Variants in KCNIP4 observed in about 807,000 individuals in gnomAD.
KCNIP4 encodes Kv channel-interacting protein 4.
A neutral mutation model predicts 34.0 loss-of-function variants in KCNIP4; 12 were observed. The observed-to-expected ratio is 0.35, with a 90% confidence interval of 0.23 to 0.57. The LOEUF (loss-of-function observed/expected upper bound fraction) is 0.57, where lower values mean the gene tolerates loss of function less well. Ranked by LOEUF, KCNIP4 falls within the 20% of genes least tolerant of loss-of-function variation. The pLI is 0.83. For missense variants in KCNIP4, 238 were observed against 311.7 expected, an observed-to-expected ratio of 0.76 and a Z score of 1.78; for synonymous variants, 124 against 102.2, an observed-to-expected ratio of 1.21 and a Z score of -1.29.
At chr4:21,891,055 A>G (rs1727064316) in intron 1 of KCNIP4, among the ~76,000 whole-genome samples, 1 of 152,082 alleles carries the variant, frequency 6.6e-6, no homozygotes, top group Admixed American at 6.6e-5. Flanking sequence ...GATACTCTGT[A>G]TGGCCTGTGT....
chr4:21,765,492 TG>T (rs1422360000), intron 1 of KCNIP4, among the ~76,000 whole-genome samples: 1 of 151,916 alleles, frequency 6.6e-6, no homozygotes, highest in Non-Finnish European at 1.5e-5. Flanking sequence ...GGGGGAAAAG[TG>T]GTCAATTTCT....
At chr4:21,922,020 C>T (rs1460750412) in intron 1 of KCNIP4, among the ~76,000 whole-genome samples, 1 of 152,228 alleles carries the variant, frequency 6.6e-6, no homozygotes, top group Non-Finnish European at 1.5e-5. Flanking sequence ...CTCTCTGCCT[C>T]ACTCCCTATG....
chr4:21,054,456 T>C (rs992209301), intron 1 of KCNIP4, among the ~76,000 whole-genome samples: 1 of 150,704 alleles, frequency 6.6e-6, no homozygotes, highest in Admixed American at 6.6e-5. Flanking sequence ...GAGGCAGAGG[T>C]TGCAGAGAGC....
chr4:21,017,938 A>G (rs1739698927), intron 1 of KCNIP4, among the ~76,000 whole-genome samples: 3 of 152,184 alleles, frequency 2.0e-5, no homozygotes, highest in Admixed American at 1.3e-4. Context: ...TTCTCCAATG[A>G]TCAGTGCAAA....
intron 1 of KCNIP4, among the ~76,000 whole-genome samples, chr4:21,809,942 T>A (rs1721525127): frequency 6.6e-6 from 1 of 152,214 alleles, no homozygotes; most frequent in Non-Finnish European, 1.5e-5. Context: ...CCAATTATCA[T>A]GAAGATCATG....
intron 1 of KCNIP4, among the ~76,000 whole-genome samples, chr4:21,110,702 G>C (rs1749088558): frequency 6.6e-6 from 1 of 152,132 alleles, no homozygotes; most frequent in Non-Finnish European, 1.5e-5. Context: ...AGGCAATTAG[G>C]TCATGGAATA....
chr4:21,086,844 T>C (rs557739293), intron 1 of KCNIP4, among the ~76,000 whole-genome samples: 1 of 151,994 alleles, frequency 6.6e-6, no homozygotes, highest in Non-Finnish European at 1.5e-5. Context: ...CACATGTTCC[T>C]TTAAGTGGCA....
At chr4:21,120,263 A>G (rs1750039550) in intron 1 of KCNIP4, among the ~76,000 whole-genome samples, 1 of 152,218 alleles carries the variant, frequency 6.6e-6, no homozygotes, top group Non-Finnish European at 1.5e-5. Flanking sequence ...CATAGCAAAT[A>G]TCACAGACTA....
intron 1 of KCNIP4, among the ~76,000 whole-genome samples, chr4:21,786,051 C>A (rs1439052316): frequency 6.6e-6 from 1 of 152,204 alleles, no homozygotes. Context: ...CGATTTCAAG[C>A]GATTCCCCTG....
chr4:21,240,932 T>C (rs1759766551), intron 1 of KCNIP4, among the ~76,000 whole-genome samples: 1 of 152,178 alleles, frequency 6.6e-6, no homozygotes, highest in Non-Finnish European at 1.5e-5. Flanking sequence ...TGGTTATCCA[T>C]AAAAATGTTC....
At chr4:21,690,711 C>A (rs1038742883) in intron 1 of KCNIP4, among the ~76,000 whole-genome samples, 2 of 152,134 alleles carry the variant, frequency 1.3e-5, no homozygotes, top group African/African-American at 4.8e-5. Context: ...CAATGCAAAA[C>A]AGAGTAACAC....
At chr4:21,684,147 C>T (rs1016910975) in intron 1 of KCNIP4, among the ~76,000 whole-genome samples, 2 of 152,034 alleles carry the variant, frequency 1.3e-5, no homozygotes, top group African/African-American at 2.4e-5. Context: ...ATCTGTAAAG[C>T]ACATAAAAAA....
chr4:21,360,167 T>C (rs890687863), intron 1 of KCNIP4, among the ~76,000 whole-genome samples: 1 of 152,132 alleles, frequency 6.6e-6, no homozygotes, highest in African/African-American at 2.4e-5. Flanking sequence ...GACATGACCT[T>C]GTACTTATTT....
chr4:21,248,078 G>GTT (rs1760428947), intron 1 of KCNIP4, among the ~76,000 whole-genome samples: 1 of 150,354 alleles, frequency 6.7e-6, no homozygotes, highest in Non-Finnish European at 1.5e-5. Context: ...GTGTGTGTGT[G>GTT]TTCTGCACAG....
At chr4:21,638,185 T>C (rs1746359743) in intron 1 of KCNIP4, among the ~76,000 whole-genome samples, 1 of 152,148 alleles carries the variant, frequency 6.6e-6, no homozygotes, top group African/African-American at 2.4e-5. Flanking sequence ...TACACAACTA[T>C]ATCCATATTG....
At chr4:21,735,093 C>T (rs28458805) in intron 1 of KCNIP4, among the ~76,000 whole-genome samples, 13,715 of 151,908 alleles carry the variant, frequency 0.09, 2,067 homozygotes, top group African/African-American at 0.31. Flanking sequence ...AGTGAGATAA[C>T]ATCCTTTTCC....
At chr4:21,877,461 A>C (rs1438900469) in intron 1 of KCNIP4, among the ~76,000 whole-genome samples, 1 of 152,218 alleles carries the variant, frequency 6.6e-6, no homozygotes, top group Non-Finnish European at 1.5e-5. Context: ...CCTAGAATGG[A>C]TCAGGAATTT....
At chr4:20,732,268 A>G (rs34741188) in intron 7 of KCNIP4, among the ~76,000 whole-genome samples, 200 bp from the exon 8 acceptor site, 4 of 152,042 alleles carry the variant, frequency 2.6e-5, no homozygotes, top group African/African-American at 4.8e-5. Flanking sequence ...TCCCTTTTCA[A>G]TATAATGTGG....
chr4:21,286,881 T>A (rs1447089110), intron 1 of KCNIP4, among the ~76,000 whole-genome samples: 1 of 152,184 alleles, frequency 6.6e-6, no homozygotes, highest in African/African-American at 2.4e-5. Context: ...CATTCTTCCA[T>A]GCACCCTAGG....
Sources: allele counts gnomAD v4.1 joint callset (sites outside exome capture counted in the v4.1 genomes callset), GRCh38; gene constraint gnomAD v4.1.1; transcripts MANE v1.5; gene names NCBI Gene and HGNC (gene_info 2026-07-23, HGNC 2026-07-21).